The following KCNK2 variants were observed in gnomAD, a reference collection of about 807,000 sequenced individuals.
The protein encoded by KCNK2 is potassium channel subfamily K member 2.
A neutral mutation model predicts 40.5 loss-of-function variants in KCNK2; 21 were observed. That is an observed-to-expected ratio of 0.52 (90% CI 0.37 to 0.75). KCNK2 has a LOEUF of 0.75. Among genes scored for constraint, KCNK2 ranks in the 30% least tolerant of loss-of-function variants. KCNK2 has a pLI of 0.00. For synonymous variants in KCNK2, 191 were observed against 202.2 expected (o/e 0.94, Z 0.47); for missense variants, 399 against 531.6 (o/e 0.75, Z 2.45).
At chr1:215,199,427 T>C (rs1664994112) in intron 6 of KCNK2, among the ~76,000 whole-genome samples, 1 of 152,238 alleles carries the variant, frequency 6.6e-6, no homozygotes, top group Non-Finnish European at 1.5e-5. Context: ...GTATAGCTAA[T>C]CCATCTGAAA....
intron 1 of KCNK2, among the ~76,000 whole-genome samples, chr1:215,066,863 A>G (rs1052437980): frequency 6.6e-6 from 1 of 152,238 alleles, no homozygotes; most frequent in Non-Finnish European, 1.5e-5. Flanking sequence ...ATGTCTCAAC[A>G]TGCGTCAATC....
chr1:215,106,232 T>C (rs769644415), intron 2 of KCNK2, among the ~76,000 whole-genome samples: 6 of 152,126 alleles, frequency 3.9e-5, no homozygotes, highest in Non-Finnish European at 8.8e-5. Context: ...CATTTTCCTC[T>C]ACAGTCCTGC....
At chr1:215,230,057 A>AT (rs1491185918) in intron 6 of KCNK2, among the ~76,000 whole-genome samples, 44 of 139,502 alleles carry the variant, frequency 3.2e-4, no homozygotes, top group African/African-American at 1.2e-3. Flanking sequence ...ATACACACAG[A>AT]TATATATATA....
chr1:215,134,626 G>A (rs1358792238), intron 3 of KCNK2, among the ~76,000 whole-genome samples: 2 of 152,040 alleles, frequency 1.3e-5, no homozygotes, highest in Non-Finnish European at 2.9e-5. Flanking sequence ...ATTGCGATGG[G>A]GCTGAAAGTT....
At chr1:215,225,528 C>T (rs1666351904) in intron 6 of KCNK2, among the ~76,000 whole-genome samples, 1 of 152,186 alleles carries the variant, frequency 6.6e-6, no homozygotes, top group African/African-American at 2.4e-5. Flanking sequence ...GCCGTACCAA[C>T]ACACACTGGT....
chr1:215,090,682 G>T (rs1374515215), intron 2 of KCNK2, among the ~76,000 whole-genome samples: 2 of 152,116 alleles, frequency 1.3e-5, no homozygotes, highest in Non-Finnish European at 2.9e-5. Context: ...TGAAATCTAT[G>T]ATCTATATAT....
chr1:215,140,266 GC>G (rs1271833873), intron 3 of KCNK2, among the ~76,000 whole-genome samples: 1 of 152,034 alleles, frequency 6.6e-6, no homozygotes, highest in Non-Finnish European at 1.5e-5. Context: ...CATTCTTTAG[GC>G]AAGGTGATTC....
rs889239401 is a variant in KCNK2 at position 215,236,627 on chromosome 1, C to T, written c.*1482C>T. 4.6e-5 allele frequency: 7 copies of T among 152,240 alleles called. No individual in the cohort carries two copies. The highest frequency in any genetic ancestry group is 2.1e-4 in the South Asian group (1 of 4,824). 9.4% of individuals were successfully genotyped at this position (152,240 alleles called of 1,614,324 possible). ...CAGAAAAAATTCAGTAAATGCACCC[C>T]GTAAATTGCTACCCTTTCCTTTATT... On this transcript the variant is annotated 3_prime_UTR_variant, in exon 7 of 7. Transcript: ENST00000444842.
chr1:215,093,117 T>A (rs578246526), intron 2 of KCNK2, among the ~76,000 whole-genome samples: 1 of 152,046 alleles, frequency 6.6e-6, no homozygotes, highest in South Asian at 2.1e-4. Flanking sequence ...GATAAAAACA[T>A]CTGGGGAATG....
intron 1 of KCNK2, among the ~76,000 whole-genome samples, chr1:215,012,480 C>T (rs1656437115): frequency 6.8e-6 from 1 of 147,440 alleles, no homozygotes; most frequent in Non-Finnish European, 1.5e-5. Flanking sequence ...TTTTCTTTTT[C>T]TTTTTTTTTT....
intron 2 of KCNK2, among the ~76,000 whole-genome samples, chr1:215,114,785 A>G (rs575970194): frequency 1.3e-5 from 2 of 152,250 alleles, no homozygotes; most frequent in South Asian, 2.1e-4. Flanking sequence ...CCTGGAGCCT[A>G]AAAGCACAGA....
intron 6 of KCNK2, among the ~76,000 whole-genome samples, chr1:215,231,506 C>G (rs1414012898): frequency 1.3e-5 from 2 of 152,002 alleles, no homozygotes; most frequent in Non-Finnish European, 2.9e-5. Context: ...TATACCAACT[C>G]TATAGGGACG....
intron 2 of KCNK2, among the ~76,000 whole-genome samples, chr1:215,093,741 TAAA>T (rs1302825036): frequency 0.013 from 825 of 62,716 alleles, 26 homozygotes; most frequent in African/African-American, 0.074. Context: ...ATATATAATA[TAAA>T]AATATATTAT....
intron 5 of KCNK2, among the ~76,000 whole-genome samples, chr1:215,181,733 C>A (rs1008007491): frequency 6.6e-6 from 1 of 152,154 alleles, no homozygotes; most frequent in Non-Finnish European, 1.5e-5. Context: ...TGGGTAAGAG[C>A]CAGCTGTGGC....
chr1:215,225,091 AGCC>A, intron 6 of KCNK2, among the ~76,000 whole-genome samples: 1 of 152,210 alleles, frequency 6.6e-6, no homozygotes, highest in Non-Finnish European at 1.5e-5. Flanking sequence ...ACCTCAAGAA[AGCC>A]AACACTAAGC....
intron 2 of KCNK2, among the ~76,000 whole-genome samples, chr1:215,117,629 A>C (rs1661004971): frequency 6.6e-6 from 1 of 152,132 alleles, no homozygotes; most frequent in Non-Finnish European, 1.5e-5. Flanking sequence ...TGGCAATTTT[A>C]TATGCTTCAG....
chr1:215,191,785 G>A (rs2102660798), intron 5 of KCNK2, among the ~76,000 whole-genome samples: 1 of 152,302 alleles, frequency 6.6e-6, no homozygotes, highest in East Asian at 1.9e-4. Context: ...CATGATTTTA[G>A]TGGTAGTAAA....
At chr1:215,224,940 G>A (rs530535238) in intron 6 of KCNK2, among the ~76,000 whole-genome samples, 7 of 151,972 alleles carry the variant, frequency 4.6e-5, no homozygotes, top group African/African-American at 9.7e-5. Context: ...CTTGGGTTGC[G>A]TTGAGCAAAT....
At chr1:215,141,484 A>G (rs189177520) in intron 3 of KCNK2, among the ~76,000 whole-genome samples, 1 of 152,128 alleles carries the variant, frequency 6.6e-6, no homozygotes, top group Non-Finnish European at 1.5e-5. Context: ...TCTATCTGTG[A>G]CCAAATGTTA....
Sources: allele counts gnomAD v4.1 joint callset (sites outside exome capture counted in the v4.1 genomes callset), GRCh38; gene constraint gnomAD v4.1.1; transcripts MANE v1.5; gene names NCBI Gene and HGNC (gene_info 2026-07-23, HGNC 2026-07-21).